PIP5K1A: variants seen among roughly 807,000 people sequenced by gnomAD.
PIP5K1A encodes the protein phosphatidylinositol-4-phosphate 5-kinase type 1 alpha.
PIP5K1A carries 46 observed loss-of-function variants against 72.9 expected under a neutral mutation model. That is an observed-to-expected ratio of 0.63 (90% CI 0.50 to 0.81). The LOEUF (loss-of-function observed/expected upper bound fraction) is 0.81, where lower values mean the gene tolerates loss of function less well. Among genes scored for constraint, PIP5K1A ranks in the 30% least tolerant of loss-of-function variants. The pLI is 0.00. For synonymous variants in PIP5K1A, 228 were observed against 255.1 expected (o/e 0.89, Z 1.01); for missense variants, 458 against 706.1 (o/e 0.65, Z 3.98).
Position 151,242,525 on chromosome 1 carries a change from T to G in PIP5K1A, c.1598T>G (p.Phe533Cys), listed in dbSNP as rs1378363788. ...GGCTCGCCTATTCCTGACCCCAGTTTCTCACCTCTAGTTGGAGAGACTTTG... is the reference window on the plus strand; with the variant it reads ...GGCTCGCCTATTCCTGACCCCAGTTGCTCACCTCTAGTTGGAGAGACTTTG... ...SEGSPIPDPSFSPLVGETLQM... is the reference protein window; with the variant it reads ...SEGSPIPDPSCSPLVGETLQM... Residue 533 changes from phenylalanine to cysteine, a missense_variant, in exon 14 of 16, where the codon TTC becomes TGC. Coordinates refer to ENST00000368888, the MANE Select transcript of PIP5K1A (RefSeq NM_001135638.2). The G allele has an allele frequency of 6.2e-7, 1 of 1,614,030 alleles. No homozygotes were observed. The highest frequency in any genetic ancestry group is 8.5e-7 in the Non-Finnish European group (1 of 1,179,838).
intron 9 of PIP5K1A, 120 bp from the exon 10 acceptor site, chr1:151,238,062 A>G: frequency 1.5e-6 from 1 of 659,030 alleles, no homozygotes; most frequent in Non-Finnish European, 2.8e-6. Flanking sequence ...TTGATCACTT[A>G]TTATCTGACC....
At chr1:151,207,390 GAAC>G (rs1686084783) in intron 1 of PIP5K1A, among the ~76,000 whole-genome samples, 1 of 151,964 alleles carries the variant, frequency 6.6e-6, no homozygotes, top group Non-Finnish European at 1.5e-5. Flanking sequence ...TGAGGTCTGA[GAAC>G]CATGAAACTT....
intron 12 of PIP5K1A, among the ~76,000 whole-genome samples, chr1:151,241,873 T>C: frequency 6.6e-6 from 1 of 151,928 alleles, no homozygotes; most frequent in East Asian, 1.9e-4. Flanking sequence ...TCATCAAGGC[T>C]CCATGTTGGG....
At position 151,209,479 on chromosome 1, in the gene PIP5K1A, G is replaced by A. The variant is rs587627456; in HGVS notation, c.85+10398G>A. On this transcript the variant is annotated intron_variant, in intron 1 of 15. Coordinates refer to ENST00000368888, the MANE Select transcript of PIP5K1A (RefSeq NM_001135638.2). ...TTTGAGATGGAGTTTTGCTCTTGTC[G>A]CCCAGGCTGGAGTGCAATGGCATGA... Among the ~76,000 whole-genome samples the A allele has an allele frequency of 1.3e-4, 19 of 143,588 alleles. No homozygotes were observed. In the East Asian group the frequency reaches 3.8e-3, roughly 28 times the overall value. 94.2% of individuals were successfully genotyped at this position (143,588 alleles called of 152,430 possible). A position where few individuals can be genotyped will look rare whatever the true frequency, so the allele number is the denominator to read the frequency against.
At chr1:151,218,893 C>G (rs187767309) in intron 1 of PIP5K1A, among the ~76,000 whole-genome samples, 1 of 148,586 alleles carries the variant, frequency 6.7e-6, no homozygotes, top group Admixed American at 6.7e-5. Context: ...AATTAGGGAT[C>G]ATGAATTGAA....
intron 8 of PIP5K1A, among the ~76,000 whole-genome samples, chr1:151,235,776 G>A (rs1015254078): frequency 6.6e-6 from 1 of 152,174 alleles, no homozygotes; most frequent in Non-Finnish European, 1.5e-5. Flanking sequence ...TAGGCAGTGG[G>A]ACTTGGAAAA....
In PIP5K1A at chr1:151,232,803, T is replaced by G. The variant is rs1457589567; in HGVS notation, c.639+100T>G. The G allele has an allele frequency of 9.1e-6, 10 of 1,103,932 alleles. 1 individual carries two copies. The highest frequency in any genetic ancestry group is 4.1e-5 in the South Asian group (3 of 73,310). The allele number at this position is 1,103,932 out of a possible 1,614,324, so 68.4% of individuals were successfully genotyped here. ...GTAAAACAGTGTCAGCACTTCTATC[T>G]TAAGAGTGTAGTTCAGGCCAGGCAC... On this transcript the variant is annotated intron_variant, in intron 7 of 15. Coordinates refer to ENST00000368888, the MANE Select transcript of PIP5K1A (RefSeq NM_001135638.2).
intron 5 of PIP5K1A, among the ~76,000 whole-genome samples, 176 bp downstream of exon 5, chr1:151,231,977 G>T (rs1357822160): frequency 1.3e-5 from 2 of 152,156 alleles, no homozygotes; most frequent in Non-Finnish European, 2.9e-5. Flanking sequence ...TCCTCTAGAT[G>T]CTTCCATTAG....
intron 3 of PIP5K1A, among the ~76,000 whole-genome samples, chr1:151,225,424 C>T (rs1688967616): frequency 6.6e-6 from 1 of 150,896 alleles, no homozygotes; most frequent in South Asian, 2.1e-4. Context: ...CATTTTGGCT[C>T]TTGGGGATAA....
intron 1 of PIP5K1A, among the ~76,000 whole-genome samples, chr1:151,208,736 TTTTTTTTTTTTTTG>T (rs1686338727): frequency 7.6e-6 from 1 of 131,032 alleles, no homozygotes; most frequent in African/African-American, 2.9e-5. Context: ...TTTTTTTTTT[TTTTTTTTTTTTTTG>T]GAGACGGAGT....
rs960173287 is a variant in PIP5K1A at position 151,210,710 on chromosome 1, C to T, written c.85+11629C>T. 3.3e-5 allele frequency among the ~76,000 whole-genome samples: 5 copies of T among 152,058 alleles called. No individual in the cohort carries two copies. The East Asian group carries it at 7.7e-4, about 23-fold the overall frequency. ...AAGTGATTCTCCTGCCTCAGCCTCC[C>T]GAGTAGTCGGGATTACAGGTGTGCG... is the stretch of plus-strand genomic sequence containing the variant. On this transcript the variant is annotated intron_variant, in intron 1 of 15. Transcript: ENST00000368888.
chr1:151,233,938 TG>T (rs1690488926), intron 7 of PIP5K1A, among the ~76,000 whole-genome samples: 2 of 152,168 alleles, frequency 1.3e-5, no homozygotes, highest in African/African-American at 4.8e-5. Flanking sequence ...TAAATCTCTC[TG>T]AAGAAATATA....
chr1:151,230,820 G>A (rs372304946), intron 4 of PIP5K1A, among the ~76,000 whole-genome samples: 1 of 152,194 alleles, frequency 6.6e-6, no homozygotes, highest in Non-Finnish European at 1.5e-5. Context: ...GATTAGAGGC[G>A]TGAGCCTCCG....
chr1:151,198,916 C>G lies in PIP5K1A; in HGVS notation c.-81C>G. ...ACAGAACGCGGGTTCTGTAAAGAGA[C>G]GTTGGGAAGATTCGATTCCGAGAAG... On this transcript the variant is annotated 5_prime_UTR_variant, in exon 1 of 16. Coordinates refer to ENST00000368888, the MANE Select transcript of PIP5K1A (RefSeq NM_001135638.2). 4 of 1,357,696 alleles carry G rather than the reference C, an allele frequency of 2.9e-6. No individual in the cohort carries two copies. In the East Asian group the frequency reaches 9.1e-5, roughly 31 times the overall value. 84.1% of individuals were successfully genotyped at this position (1,357,696 alleles called of 1,614,324 possible).
At chr1:151,247,117 CTTAT>C (rs587595651) in intron 15 of PIP5K1A, 152 bp downstream of exon 15, 158 of 381,780 alleles carry the variant, frequency 4.1e-4, no homozygotes, top group Middle Eastern at 7.0e-4. Context: ...TTATTTTGTA[CTTAT>C]TTATTTATTT....
rs587675063 is a variant in PIP5K1A at position 151,216,144 on chromosome 1, C to A, written c.86-8101C>A. ...CGGGCGGATCACGAGGTCAGGAGAT[C>A]GAGACCATCCTGGCTAACACAGTGA... On this transcript the variant is annotated intron_variant, in intron 1 of 15. Transcript: ENST00000368888. The A allele has an allele frequency of 2.8e-4, 120 of 428,214 alleles. 4 individuals are homozygous for A. The highest frequency in any genetic ancestry group is 2.0e-3 in the South Asian group (116 of 58,248). The allele number at this position is 428,214 out of a possible 1,614,324, so 26.5% of individuals were successfully genotyped here.
chr1:151,219,422 C>A (rs1688085119), intron 1 of PIP5K1A, among the ~76,000 whole-genome samples: 1 of 151,308 alleles, frequency 6.6e-6, no homozygotes, highest in Admixed American at 6.6e-5. Context: ...CCCGGTGGCT[C>A]ATGCCTATAA....
rs747920292 is a variant in PIP5K1A at position 151,248,643 on chromosome 1, G to A, written c.*778G>A. The A allele has an allele frequency of 6.6e-6, 1 of 152,606 alleles. No homozygotes were observed. Among genetic ancestry groups the A allele is most frequent in the Non-Finnish European group, 1.5e-5 (1 of 68,032 alleles). The allele number at this position is 152,606 out of a possible 1,614,324, so 9.5% of individuals were successfully genotyped here. A position where few individuals can be genotyped will look rare whatever the true frequency, so the allele number is the denominator to read the frequency against. On this transcript the variant is annotated 3_prime_UTR_variant, in exon 16 of 16. Coordinates refer to ENST00000368888, the MANE Select transcript of PIP5K1A (RefSeq NM_001135638.2). ...ACATGGGGTAATCTTTATCCCTTTT[G>A]TTAAAACAGGAGGCAGCCATGGGCT... is the stretch of plus-strand genomic sequence containing the variant.
chr1:151,229,962 C>T (rs1416092711), intron 4 of PIP5K1A, among the ~76,000 whole-genome samples: 2 of 152,052 alleles, frequency 1.3e-5, no homozygotes, highest in East Asian at 3.9e-4. Flanking sequence ...GTGGCTTGCG[C>T]CTGTAGTCCC....
Sources: gnomAD v4.1 joint callset for allele counts (sites outside exome capture counted in the v4.1 genomes callset) on GRCh38, gnomAD v4.1.1 for gene constraint, MANE v1.5 for transcripts, NCBI Gene and HGNC (gene_info 2026-07-23, HGNC 2026-07-21) for gene names.